The following SEMA4G variants were observed in gnomAD, a reference collection of about 807,000 sequenced individuals.
The protein encoded by SEMA4G is semaphorin 4G.
A neutral mutation model predicts 81.2 loss-of-function variants in SEMA4G; 59 were observed. The ratio of observed to expected loss-of-function variants is 0.73; its 90% CI spans 0.59 to 0.90. The LOEUF (loss-of-function observed/expected upper bound fraction) is 0.90, where lower values mean the gene tolerates loss of function less well. Ranked by LOEUF, SEMA4G falls within the 40% of genes least tolerant of loss-of-function variation. The probability of loss-of-function intolerance (pLI) is 0.00; values close to 1 mark genes in which losing one functional copy is unlikely to be tolerated. For synonymous variants in SEMA4G, 404 were observed against 433.9 expected (o/e 0.93, Z 0.86); for missense variants, 952 against 1,102.3 (o/e 0.86, Z 1.93).
chr10:100,984,463 T>G, exon 14 of SEMA4G: 1 of 1,522,382 alleles, frequency 6.6e-7, no homozygotes, highest in East Asian at 2.5e-5. Context: ...TCCATTCATC[T>G]GCCCAAACCC....
rs746342050 is a variant in SEMA4G at position 100,973,316 on chromosome 10, T to A, written c.273+39T>A. ...ACCTGGACCACCCAGAGGGTCTCTA[T>A]GCTTATCCAGCTCCCTGGGACCTCA... On this transcript the variant is annotated intron_variant, in intron 2 of 13. Coordinates refer to ENST00000370250, the Ensembl canonical transcript of SEMA4G. The surrounding 1 kb of genome is among the most constrained non-coding windows in gnomAD (Gnocchi z 5.5). 2 of 1,607,870 alleles carry A rather than the reference T, an allele frequency of 1.2e-6. No individual in the cohort carries two copies. Among genetic ancestry groups the A allele is most frequent in the South Asian group, 1.1e-5 (1 of 90,846 alleles).
exon 8 of SEMA4G, chr10:100,979,270 T>C (rs767264493): frequency 1.2e-6 from 2 of 1,614,026 alleles, no homozygotes; most frequent in Middle Eastern, 3.3e-4. Flanking sequence ...GAGCACACAG[T>C]GGTCAGTGCA....
chr10:100,978,918 T>C, exon 7 of SEMA4G: 1 of 1,614,142 alleles, frequency 6.2e-7, no homozygotes. Context: ...GATGACAAGG[T>C]GTACTACTTC....
At chr10:100,981,099 T>G in intron 12 of SEMA4G, 69 bp from the exon 14 acceptor site, 1 of 1,608,520 alleles carries the variant, frequency 6.2e-7, no homozygotes, top group Non-Finnish European at 8.5e-7. Context: ...GTAACAGACC[T>G]ATCTACCCTT....
Position 100,973,541 on chromosome 10 carries a change from C to T in SEMA4G, c.274-6C>T, listed in dbSNP as rs1430900347. 1 of 1,613,900 alleles carries T rather than the reference C, an allele frequency of 6.2e-7. No individual in the cohort carries two copies. The highest frequency in any genetic ancestry group is 1.7e-5 in the Admixed American group (1 of 60,016). Reference sequence around the variant, plus strand: ...TGCATCAGCCTATTCCCTTTGCCTCCACTAGATCCACTGGGAAGCCTCCCC... The same window carrying T: ...TGCATCAGCCTATTCCCTTTGCCTCTACTAGATCCACTGGGAAGCCTCCCC... On this transcript the variant is annotated splice_region_variant and splice_polypyrimidine_tract_variant and intron_variant, in intron 2 of 13. Transcript: ENST00000370250. The surrounding 1 kb of genome is among the most constrained non-coding windows in gnomAD (Gnocchi z 5.5).
At position 100,973,304 on chromosome 10, in the gene SEMA4G, A is replaced by C. The variant is rs752984783; in HGVS notation, c.273+27A>C. 25 of 1,610,486 alleles carry C rather than the reference A, an allele frequency of 1.6e-5. No homozygotes were observed. The Admixed American group carries it at 4.2e-4, about 27-fold the overall frequency. ...TCAGGCCCTGGAACCTGGACCACCCAGAGGGTCTCTATGCTTATCCAGCTC... is the reference window on the plus strand; with the variant it reads ...TCAGGCCCTGGAACCTGGACCACCCCGAGGGTCTCTATGCTTATCCAGCTC... On this transcript the variant is annotated intron_variant, in intron 2 of 13. Coordinates refer to ENST00000370250, the Ensembl canonical transcript of SEMA4G. The surrounding 1 kb of genome is among the most constrained non-coding windows in gnomAD (Gnocchi z 5.5).
chr10:100,979,854 C>T (rs1413764190), exon 9 of SEMA4G: 1 of 1,613,634 alleles, frequency 6.2e-7, no homozygotes, highest in Admixed American at 1.7e-5. Context: ...CTAGGAAGAC[C>T]CTGGAGGCCT....
At chr10:100,984,249 A>C in exon 14 of SEMA4G, 1 of 1,447,856 alleles carries the variant, frequency 6.9e-7, no homozygotes, top group Non-Finnish European at 9.0e-7. Context: ...CCTTCTCCCA[A>C]CTTTTTGATG....
chr10:100,978,402 C>T lies in SEMA4G; in HGVS notation c.529+14C>T, dbSNP rs1850894058. The T allele has an allele frequency of 6.2e-7, 1 of 1,610,576 alleles. No homozygotes were observed. Among genetic ancestry groups the T allele is most frequent in the African/African-American group, 1.3e-5 (1 of 74,834 alleles). On this transcript the variant is annotated intron_variant, in intron 5 of 13. Transcript: ENST00000370250. Reference sequence around the variant, plus strand: ...GCCTCATCATTGGTGAGCAGGCCTTCTTCCCTATCACAGACATGGTATTTT... The same window carrying T: ...GCCTCATCATTGGTGAGCAGGCCTTTTTCCCTATCACAGACATGGTATTTT...
exon 10 of SEMA4G, chr10:100,980,225 T>C (rs1400651750): frequency 1.2e-6 from 2 of 1,614,250 alleles, no homozygotes; most frequent in South Asian, 1.1e-5. Flanking sequence ...GCTCGGCCCG[T>C]TGTGCCCACA....
downstream of SEMA4G, chr10:100,985,092 G>C: frequency 1.8e-6 from 1 of 569,538 alleles, no homozygotes; most frequent in East Asian, 3.0e-5. Flanking sequence ...CCTTGCCTAG[G>C]ATGGATGACC....
At chr10:100,979,944 G>C in exon 9 of SEMA4G, 3 of 1,614,124 alleles carry the variant, frequency 1.9e-6, no homozygotes, top group Non-Finnish European at 2.5e-6. Flanking sequence ...ATGGTTCCCG[G>C]CGCTGGGGTC....
At chr10:100,975,293 A>G in intron 3 of SEMA4G, among the ~76,000 whole-genome samples, 1 of 152,216 alleles carries the variant, frequency 6.6e-6, no homozygotes, top group East Asian at 1.9e-4. Flanking sequence ...AATTCTAACA[A>G]GCTCCCAAGT....
chr10:100,981,295 T>C, intron 13 of SEMA4G, 66 bp downstream of exon 14: 1 of 1,597,808 alleles, frequency 6.3e-7, no homozygotes, highest in Non-Finnish European at 8.6e-7. Context: ...TACTGCCATG[T>C]GTACGTATAT....
intron 8 of SEMA4G, 167 bp downstream of exon 9, chr10:100,979,438 A>G (rs1489941739): frequency 2.0e-6 from 3 of 1,522,520 alleles, no homozygotes; most frequent in Non-Finnish European, 2.6e-6. Flanking sequence ...GCTGGAGTGC[A>G]GTGGCGCGAT....
exon 1 of SEMA4G, chr10:100,972,980 T>A (rs1261974981): frequency 6.2e-7 from 1 of 1,614,010 alleles, no homozygotes; most frequent in Non-Finnish European, 8.5e-7. Flanking sequence ...GGACCCTCAC[T>A]GCGGAGACCG....
chr10:100,981,266 G>T, intron 13 of SEMA4G, 37 bp downstream of exon 14: 1 of 1,609,984 alleles, frequency 6.2e-7, no homozygotes, highest in Non-Finnish European at 8.5e-7. Flanking sequence ...TAGCTACGCA[G>T]ACTGTCCTCT....
chr10:100,975,835 G>A (rs906507534), intron 3 of SEMA4G, among the ~76,000 whole-genome samples: 1 of 152,118 alleles, frequency 6.6e-6, no homozygotes, highest in Non-Finnish European at 1.5e-5. Flanking sequence ...GGGAGGCGGA[G>A]GTTGCAGTGA....
At chr10:100,977,473 T>C (rs1392016631) in intron 3 of SEMA4G, among the ~76,000 whole-genome samples, 159 bp from the exon 5 acceptor site, 2 of 152,134 alleles carry the variant, frequency 1.3e-5, no homozygotes, top group African/African-American at 4.8e-5. Flanking sequence ...GACAGTGAGT[T>C]CCAGGAAATA....
Sources: gnomAD v4.1 joint callset for allele counts (sites outside exome capture counted in the v4.1 genomes callset) on GRCh38, gnomAD v4.1.1 for gene constraint, Gnocchi (gnomAD v3.1) non-coding constraint, MANE v1.5 for transcripts, NCBI Gene and HGNC (gene_info 2026-07-23, HGNC 2026-07-21) for gene names.